KCTD8: variants seen among roughly 807,000 people sequenced by gnomAD.
The protein encoded by KCTD8 is BTB/POZ domain-containing protein KCTD8.
Under a neutral mutation model 31.5 loss-of-function variants are expected in KCTD8, and 27 were observed. The observed-to-expected ratio is 0.86, with a 90% confidence interval of 0.63 to 1.18. The LOEUF is 1.18. KCTD8 is among the 50% of genes most tolerant of loss of function. The probability of loss-of-function intolerance (pLI) is 0.00; values close to 1 mark genes in which losing one functional copy is unlikely to be tolerated. For missense variants in KCTD8, 658 were observed against 647.7 expected (o/e 1.02, Z -0.17); for synonymous variants, 290 against 280.0 (o/e 1.04, Z -0.36).
intron 1 of KCTD8, among the ~76,000 whole-genome samples, chr4:44,226,958 G>C (rs2109350735): frequency 6.6e-6 from 1 of 150,590 alleles, no homozygotes; most frequent in South Asian, 2.2e-4. Flanking sequence ...CAGATGGATA[G>C]ATTGCAAACA....
intron 1 of KCTD8, among the ~76,000 whole-genome samples, chr4:44,340,118 T>C (rs1718856893): frequency 1.3e-5 from 2 of 152,196 alleles, no homozygotes; most frequent in South Asian, 2.1e-4. Context: ...AACTCCTATA[T>C]GTACAGCCAC....
At chr4:44,270,954 A>T (rs1394940034) in intron 1 of KCTD8, among the ~76,000 whole-genome samples, 7 of 151,980 alleles carry the variant, frequency 4.6e-5, no homozygotes, top group Admixed American at 3.9e-4. Flanking sequence ...TTCGTTTCAT[A>T]TTTTAAGAGT....
chr4:44,355,510 A>C (rs1461835729), intron 1 of KCTD8, among the ~76,000 whole-genome samples: 1 of 152,178 alleles, frequency 6.6e-6, no homozygotes, highest in Non-Finnish European at 1.5e-5. Flanking sequence ...TAATCAACCA[A>C]TGTAGTTTTA....
chr4:44,210,104 T>C (rs1216453434), intron 1 of KCTD8, among the ~76,000 whole-genome samples: 6 of 152,180 alleles, frequency 3.9e-5, no homozygotes, highest in Non-Finnish European at 8.8e-5. Context: ...GCCCAACATA[T>C]ATTACCCTGG....
intron 1 of KCTD8, among the ~76,000 whole-genome samples, chr4:44,296,767 A>AT (rs886393762): frequency 1.1e-4 from 16 of 151,710 alleles, no homozygotes; most frequent in Middle Eastern, 3.4e-3. Flanking sequence ...AGTTTCTGTG[A>AT]TTTTTTTTGA....
intron 1 of KCTD8, among the ~76,000 whole-genome samples, chr4:44,284,389 T>C (rs1424866046): frequency 2.0e-5 from 3 of 152,176 alleles, no homozygotes; most frequent in Non-Finnish European, 2.9e-5. Flanking sequence ...CCCTATTTAA[T>C]AAATGGTGTT....
chr4:44,330,200 T>C (rs951595040), intron 1 of KCTD8, among the ~76,000 whole-genome samples: 2 of 152,006 alleles, frequency 1.3e-5, no homozygotes, highest in African/African-American at 4.8e-5. Context: ...CAGTAATATG[T>C]TGTTAGAATT....
intron 1 of KCTD8, among the ~76,000 whole-genome samples, chr4:44,367,277 A>C (rs1011824192): frequency 2.0e-5 from 3 of 152,200 alleles, no homozygotes; most frequent in Non-Finnish European, 4.4e-5. Flanking sequence ...TACAAAGAGA[A>C]TATCTAGTTT....
chr4:44,329,693 A>G (rs4423910), intron 1 of KCTD8, among the ~76,000 whole-genome samples: 1,650 of 152,060 alleles, frequency 0.011, 35 homozygotes, highest in African/African-American at 0.038. Flanking sequence ...TATATCATAT[A>G]TAAGTAAAAC....
At chr4:44,320,039 G>A (rs1718248908) in intron 1 of KCTD8, among the ~76,000 whole-genome samples, 1 of 151,854 alleles carries the variant, frequency 6.6e-6, no homozygotes, top group African/African-American at 2.4e-5. Flanking sequence ...GGGTGTGCTG[G>A]TGAGCACCTG....
At chr4:44,319,381 A>C (rs1222313766) in intron 1 of KCTD8, among the ~76,000 whole-genome samples, 1 of 152,078 alleles carries the variant, frequency 6.6e-6, no homozygotes, top group Non-Finnish European at 1.5e-5. Context: ...TGATGTCTAA[A>C]ATGTATAGCG....
intron 1 of KCTD8, among the ~76,000 whole-genome samples, chr4:44,195,903 T>G (rs1169761367): frequency 6.6e-6 from 1 of 152,200 alleles, no homozygotes; most frequent in East Asian, 1.9e-4. Context: ...TTAAACTACC[T>G]ACTAGAATAA....
chr4:44,316,924 G>A (rs1390003646), intron 1 of KCTD8, among the ~76,000 whole-genome samples: 19 of 150,712 alleles, frequency 1.3e-4, no homozygotes, highest in Non-Finnish European at 4.4e-5. Context: ...ATTGCAGTGA[G>A]CCGAGATAGT....
chr4:44,377,568 G>C (rs966452943), intron 1 of KCTD8, among the ~76,000 whole-genome samples: 1 of 152,124 alleles, frequency 6.6e-6, no homozygotes, highest in Admixed American at 6.6e-5. Context: ...CATATGCTTG[G>C]GGAAAACCAG....
chr4:44,187,035 G>C (rs745627261), intron 1 of KCTD8, among the ~76,000 whole-genome samples: 1 of 152,148 alleles, frequency 6.6e-6, no homozygotes, highest in Non-Finnish European at 1.5e-5. Flanking sequence ...AAGAAATGGG[G>C]GGAGTCGAAG....
intron 1 of KCTD8, among the ~76,000 whole-genome samples, chr4:44,288,931 AT>A (rs11308099): frequency 0.91 from 137,561 of 151,498 alleles, 62,666 homozygotes; most frequent in East Asian, 1. Context: ...AGTATATATC[AT>A]TTTTTTCTAT....
chr4:44,284,390 A>AAATTCCCTATTTAATAAAT (rs1716995578), intron 1 of KCTD8, among the ~76,000 whole-genome samples: 1 of 152,236 alleles, frequency 6.6e-6, no homozygotes, highest in Non-Finnish European at 1.5e-5. Flanking sequence ...CCTATTTAAT[A>AAATTCCCTATTTAATAAAT]AATGGTGTTG....
At chr4:44,213,720 C>A (rs1714561608) in intron 1 of KCTD8, among the ~76,000 whole-genome samples, 1 of 152,102 alleles carries the variant, frequency 6.6e-6, no homozygotes, top group Admixed American at 6.5e-5. Context: ...AAATTTTTTG[C>A]ACCAACACTT....
chr4:44,283,572 T>G (rs1577592625), intron 1 of KCTD8, among the ~76,000 whole-genome samples: 1 of 152,146 alleles, frequency 6.6e-6, no homozygotes, highest in African/African-American at 2.4e-5. Flanking sequence ...CTACTTTGCC[T>G]GTGATCTATA....
Sources: allele counts gnomAD v4.1 joint callset (sites outside exome capture counted in the v4.1 genomes callset), GRCh38; gene constraint gnomAD v4.1.1; transcripts MANE v1.5; gene names NCBI Gene and HGNC (gene_info 2026-07-23, HGNC 2026-07-21).